The following ZNF529 variants were observed in gnomAD, a reference collection of about 807,000 sequenced individuals.
ZNF529 encodes the protein zinc finger protein 529.
A neutral mutation model predicts 10.1 loss-of-function variants in ZNF529; 11 were observed. That is an observed-to-expected ratio of 1.09 (90% CI 0.69 to 1.81). The LOEUF (loss-of-function observed/expected upper bound fraction) is 1.81. Among genes scored for constraint, ZNF529 ranks in the 40% most tolerant of loss-of-function variants. ZNF529 has a pLI of 0.00. For synonymous variants in ZNF529, 204 were observed against 215.7 expected (o/e 0.95, Z 0.47); for missense variants, 624 against 666.8 (o/e 0.94, Z 0.71).
chr19:36,579,708 C>T (rs1280799262), intron 2 of ZNF529, among the ~76,000 whole-genome samples: 1 of 152,140 alleles, frequency 6.6e-6, no homozygotes, highest in East Asian at 1.9e-4. Context: ...AGATACTTGC[C>T]ATGAATGGAG....
upstream of ZNF529, among the ~76,000 whole-genome samples, chr19:36,574,201 C>A (rs911833514): frequency 6.6e-6 from 1 of 152,180 alleles, no homozygotes; most frequent in Non-Finnish European, 1.5e-5. Flanking sequence ...CAATCAAATA[C>A]ATGTAAAATG....
intron 2 of ZNF529, chr19:36,581,772 C>A: frequency 6.2e-6 from 1 of 161,962 alleles, no homozygotes; most frequent in South Asian, 1.7e-4. Flanking sequence ...CTTCCTGAGG[C>A]CTCACCAGAA....
Position 36,543,733 on chromosome 19 carries a change from TTGTG to T in ZNF529, c.*3129_*3132del, listed in dbSNP as rs2034920093. On this transcript the variant is annotated 3_prime_UTR_variant, in exon 5 of 5. Coordinates refer to ENST00000591340, the MANE Select transcript of ZNF529 (RefSeq NM_020951.5). The stretch of plus-strand genomic sequence containing the variant: ...CTTGTGTCCTCATGTGGACTTTCCT[TTGTG>T]TGTGAGCATAGGAAGAGACGTCTCT... The T allele has an allele frequency of 6.6e-6, 1 of 152,112 alleles. No individual in the cohort carries two copies. The highest frequency in any genetic ancestry group is 2.1e-4 in the South Asian group (1 of 4,824). The allele number at this position is 152,112 out of a possible 1,614,324, so 9.4% of individuals were successfully genotyped here.
In ZNF529 at chr19:36,547,688, G is replaced by A; in HGVS notation, c.870C>T (p.Ser290=). ...GAGTAAGTTGTGCATGCACTCTAAA[G>A]GATTTCCCACAGAATGAGCATTCAA... ...KHFECSFCGK[S]FRVHAQLTRH... is the part of the protein sequence containing the mutation. Residue 290 remains serine (S), a synonymous_variant, in exon 5 of 5, where the codon TCC becomes TCT. Coordinates refer to ENST00000591340, the MANE Select transcript of ZNF529 (RefSeq NM_020951.5). The A allele has an allele frequency of 6.2e-7, 1 of 1,613,782 alleles. No individual in the cohort carries two copies. Among genetic ancestry groups the A allele is most frequent in the Non-Finnish European group, 8.5e-7 (1 of 1,179,850 alleles).
chr19:36,571,532 G>T (rs373395725), intron 2 of ZNF529, among the ~76,000 whole-genome samples: 1 of 151,890 alleles, frequency 6.6e-6, no homozygotes, highest in Admixed American at 6.6e-5. Flanking sequence ...AAAATTAGCC[G>T]GGCATGGTGG....
chr19:36,599,717 A>T (rs948858248), intron 1 of ZNF529, among the ~76,000 whole-genome samples: 1 of 152,184 alleles, frequency 6.6e-6, no homozygotes, highest in Non-Finnish European at 1.5e-5. Flanking sequence ...GGAATGATAA[A>T]ACCTAAAGCA....
chr19:36,578,945 G>A (rs2036402503), intron 2 of ZNF529, among the ~76,000 whole-genome samples: 1 of 150,934 alleles, frequency 6.6e-6, no homozygotes, highest in Non-Finnish European at 1.5e-5. Flanking sequence ...AGTGGCTCAT[G>A]CCTATAATCC....
chr19:36,587,133 C>G (rs1043076674), intron 2 of ZNF529, among the ~76,000 whole-genome samples: 1 of 151,758 alleles, frequency 6.6e-6, no homozygotes, highest in Non-Finnish European at 1.5e-5. Flanking sequence ...GGCGTGGTGG[C>G]GAGCACCTGT....
At chr19:36,592,305 A>AG (rs1297599885) in intron 1 of ZNF529, among the ~76,000 whole-genome samples, 1 of 149,352 alleles carries the variant, frequency 6.7e-6, no homozygotes, top group East Asian at 2.0e-4. Flanking sequence ...AAAAAAAAAA[A>AG]AAGAAAGGCC....
At chr19:36,549,284 C>T (rs2035173182) in intron 4 of ZNF529, among the ~76,000 whole-genome samples, 1 of 151,966 alleles carries the variant, frequency 6.6e-6, no homozygotes. Flanking sequence ...TCTCTTACAC[C>T]ATTTACTTCC....
rs1283976357 is a variant in ZNF529 at position 36,546,932 on chromosome 19, G to T, written c.1626C>A (p.Ser542=). The T allele has an allele frequency of 6.2e-6, 10 of 1,613,592 alleles. No individual in the cohort carries two copies. Among genetic ancestry groups the T allele is most frequent in the South Asian group, 1.1e-5 (1 of 91,002 alleles). ...KPYECKECGN[S]FSVVGHLTCQ... Reference sequence around the variant, plus strand: ...AAGTAAGATGCCCAACAACACTAAAGGAATTCCCACACTCCTTACATTCAT... The same window carrying T: ...AAGTAAGATGCCCAACAACACTAAATGAATTCCCACACTCCTTACATTCAT... Residue 542 remains serine (S), a synonymous_variant, in exon 5 of 5, where the codon TCC becomes TCA. Transcript: ENST00000591340.
At chr19:36,563,135 A>G (rs1231056319) in intron 2 of ZNF529, among the ~76,000 whole-genome samples, 2 of 152,070 alleles carry the variant, frequency 1.3e-5, no homozygotes, top group Non-Finnish European at 1.5e-5. Flanking sequence ...AAAGTTGCCT[A>G]TGGGTGCCAG....
At chr19:36,570,126 A>C (rs1264572460) in intron 2 of ZNF529, among the ~76,000 whole-genome samples, 5 of 152,076 alleles carry the variant, frequency 3.3e-5, no homozygotes, top group Non-Finnish European at 1.5e-5. Flanking sequence ...TTTGGGAGGC[A>C]GAGGCAGGTG....
Position 36,547,238 on chromosome 19 carries a change from A to G in ZNF529, c.1320T>C (p.His440=). Residue 440 remains histidine, a synonymous_variant, in exon 5 of 5, where the codon CAT becomes CAC. Coordinates refer to ENST00000591340, the MANE Select transcript of ZNF529 (RefSeq NM_020951.5). ...AFGVGSELTR[H]ERIHSGQKPY... Reference sequence around the variant, plus strand: ...GTTTTTGACCACTGTGAATTCTTTCATGTCGAGTAAGTTCACTACCTACTC... The same window carrying G: ...GTTTTTGACCACTGTGAATTCTTTCGTGTCGAGTAAGTTCACTACCTACTC... 6.2e-7 allele frequency: 1 copy of G among 1,613,814 alleles called. No individual in the cohort carries two copies. The highest frequency in any genetic ancestry group is 1.1e-5 in the South Asian group (1 of 91,080).
At chr19:36,581,606 G>C (rs1418698476) in intron 2 of ZNF529, 2 of 152,174 alleles carry the variant, frequency 1.3e-5, no homozygotes, top group Admixed American at 6.6e-5. Flanking sequence ...GGATTATGGG[G>C]TGGATCTCAT....
At chr19:36,583,485 T>A (rs868056352) in intron 2 of ZNF529, among the ~76,000 whole-genome samples, 1 of 150,952 alleles carries the variant, frequency 6.6e-6, no homozygotes, top group East Asian at 2.0e-4. Flanking sequence ...CCAGGGCACA[T>A]GAAAAACCCT....
At chr19:36,578,506 C>T (rs928639644) in intron 2 of ZNF529, among the ~76,000 whole-genome samples, 6 of 151,144 alleles carry the variant, frequency 4.0e-5, no homozygotes, top group Non-Finnish European at 5.9e-5. Flanking sequence ...GGGGTTTCAC[C>T]GTGTTAGCCA....
chr19:36,555,438 C>T lies in ZNF529; in HGVS notation c.109-642G>A, dbSNP rs1475142595. ...CCTCCCCAGTAGCTGGGACTACAGG[C>T]GCCCGCCACCGCGCCCGGCTAATTT... On this transcript the variant is annotated intron_variant, in intron 3 of 4. Coordinates refer to ENST00000591340, the MANE Select transcript of ZNF529 (RefSeq NM_020951.5). Among the ~76,000 whole-genome samples, 52 of 86,326 alleles carry T rather than the reference C, an allele frequency of 6.0e-4. 22 individuals carry two copies. The highest frequency in any genetic ancestry group is 3.0e-3 in the African/African-American group (48 of 15,940). The allele number at this position is 86,326 out of a possible 152,430, so 56.6% of individuals were successfully genotyped here.
chr19:36,585,277 G>A lies in ZNF529; in HGVS notation c.-41+4338C>T, dbSNP rs543856369. Among the ~76,000 whole-genome samples, 311 of 152,316 alleles carry A rather than the reference G, an allele frequency of 2.0e-3. 1 individual carries two copies. Among genetic ancestry groups the A allele is most frequent in the African/African-American group, 7.3e-3 (305 of 41,578 alleles). Reference sequence around the variant, plus strand: ...AAGGCTTACAGGGGCTCATGGATGAGTGGGAAGTTTTTGTGACGTTTGATA... The same window carrying A: ...AAGGCTTACAGGGGCTCATGGATGAATGGGAAGTTTTTGTGACGTTTGATA... On this transcript the variant is annotated intron_variant, in intron 2 of 4. Coordinates refer to the ZNF529 transcript ENST00000585960.
Sources: allele counts gnomAD v4.1 joint callset (sites outside exome capture counted in the v4.1 genomes callset), GRCh38; gene constraint gnomAD v4.1.1; transcripts MANE v1.5; gene names NCBI Gene and HGNC (gene_info 2026-07-23, HGNC 2026-07-21).